C4orf50: variants seen among roughly 807,000 people sequenced by gnomAD.
C4orf50 encodes the protein chromosome 4 open reading frame 50, also known as uncharacterized protein C4orf50.
Under a neutral mutation model 77.2 loss-of-function variants are expected in C4orf50, and 80 were observed. The ratio of observed to expected loss-of-function variants is 1.04; its 90% confidence interval spans 0.87 to 1.25. The LOEUF (loss-of-function observed/expected upper bound fraction) is 1.25. C4orf50 is among the 50% of genes most tolerant of loss of function. The pLI is 0.00. For missense variants in C4orf50, 1,257 were observed against 1,152.9 expected (o/e 1.09, Z -1.31); for synonymous variants, 532 against 465.3 (o/e 1.14, Z -1.84).
Position 6,008,273 on chromosome 4 carries a change from C to T in C4orf50, c.686G>A (p.Gly229Asp), listed in dbSNP as rs142273130. 5,745 of 392,072 alleles carry T rather than the reference C, an allele frequency of 0.015. 65 individuals carry two copies. Among genetic ancestry groups the T allele is most frequent in the Middle Eastern group, 0.03 (47 of 1,552 alleles). The allele number at this position is 392,072 out of a possible 1,614,324, so 24.3% of individuals were successfully genotyped here. ...AGCCGCCTCGGTGGCGCCCTGGGAGCCTGGGGCCGCGGTGTCCCACTGGGC... is the reference window on the plus strand; with the variant it reads ...AGCCGCCTCGGTGGCGCCCTGGGAGTCTGGGGCCGCGGTGTCCCACTGGGC... The change falls in exon 25 of 34, where the codon GGC (glycine) becomes GAC (aspartate). Residue 229 changes from glycine (G) to aspartate (D), a missense_variant. Gly to Asp is a moderately conservative substitution (Grantham distance 94). Coordinates refer to ENST00000531445, the Ensembl canonical transcript of C4orf50. This position sits in a 1 kb window ranked among gnomAD's most constrained non-coding sequence, Gnocchi z 6.0.
In C4orf50 at chr4:5,899,591, G is replaced by A. The variant is rs1482816904; in HGVS notation, c.*2475-1403C>T. The A allele has an allele frequency of 2.0e-5, 3 of 152,206 alleles. No individual in the cohort carries two copies. In the East Asian group the frequency reaches 5.8e-4, roughly 29 times the overall value. The allele number at this position is 152,206 out of a possible 1,614,324, so 9.4% of individuals were successfully genotyped here. A position where few individuals can be genotyped will look rare whatever the true frequency, so the allele number is the denominator to read the frequency against. On this transcript the variant is annotated intron_variant, in intron 7 of 7. Transcript: ENST00000324058. ...AGAAGTTTCCTCCTGTAGACTCTGA[G>A]GACACATTTCTTTCCTAGCTAGGAG...
At chr4:5,954,866 G>A (rs1718883167), downstream of C4orf50, among the ~76,000 whole-genome samples, 1 of 152,140 alleles carries the variant, frequency 6.6e-6, no homozygotes, top group Non-Finnish European at 1.5e-5. The surrounding 1 kb of genome is among the most constrained non-coding windows in gnomAD (Gnocchi z 4.7). Flanking sequence ...CTGGTTGGGA[G>A]AGACCTGAGA....
In C4orf50 at chr4:5,908,912, C is replaced by T. The variant is rs999943723; in HGVS notation, c.*2475-10724G>A. Among the ~76,000 whole-genome samples, 1 of 152,156 alleles carries T rather than the reference C, an allele frequency of 6.6e-6. No homozygotes were observed. The highest frequency in any genetic ancestry group is 1.5e-5 in the Non-Finnish European group (1 of 68,018). ...CCTGGAAAGTACAGAATGGGGGTTA[C>T]CTGCTCTGTCATTCACTCCCCTGAA... is the stretch of plus-strand genomic sequence containing the variant. On this transcript the variant is annotated intron_variant, in intron 7 of 7. Coordinates refer to the C4orf50 transcript ENST00000324058. This position sits in a 1 kb window ranked among gnomAD's most constrained non-coding sequence, Gnocchi z 5.6.
intron 23 of C4orf50, among the ~76,000 whole-genome samples, chr4:6,013,792 C>T (rs952770391): frequency 6.6e-6 from 1 of 152,160 alleles, no homozygotes; most frequent in Non-Finnish European, 1.5e-5. Flanking sequence ...GATTTCCCCT[C>T]CAGCCTCGGA....
chr4:5,949,628 G>C (rs148545148), intron 7 of C4orf50, among the ~76,000 whole-genome samples: 1 of 152,306 alleles, frequency 6.6e-6, no homozygotes, highest in African/African-American at 2.4e-5. Flanking sequence ...TGGTGGTGAT[G>C]GTTGAATAAC....
At position 5,919,002 on chromosome 4, in the gene C4orf50, G is replaced by A. The variant is rs558657650; in HGVS notation, c.*2475-20814C>T. Among the ~76,000 whole-genome samples the A allele has an allele frequency of 2.6e-5, 4 of 152,270 alleles. No homozygotes were observed. The highest frequency in any genetic ancestry group is 4.1e-4 in the South Asian group (2 of 4,820). On this transcript the variant is annotated intron_variant, in intron 7 of 7. Transcript: ENST00000324058. This position sits in a 1 kb window ranked among gnomAD's most constrained non-coding sequence, Gnocchi z 6.5. ...ATTCCTCTGCACAGATGGGGAAACT[G>A]AGACCCGGAGGAGTCAAAGGGCTTG...
intron 28 of C4orf50, among the ~76,000 whole-genome samples, chr4:5,982,880 G>A (rs1720668445): frequency 6.6e-6 from 1 of 152,124 alleles, no homozygotes; most frequent in Non-Finnish European, 1.5e-5. Context: ...AGAAGGTGAA[G>A]AATGAGGGCA....
intron 7 of C4orf50, among the ~76,000 whole-genome samples, chr4:5,907,441 G>A (rs149827581): frequency 1.3e-5 from 2 of 152,312 alleles, no homozygotes; most frequent in East Asian, 3.9e-4. Context: ...TTTGGTGGTG[G>A]TGGGGAGGGT....
At position 5,958,496 on chromosome 4, in the gene C4orf50, A is replaced by T. The variant is rs1057241405; in HGVS notation, c.*879T>A. On this transcript the variant is annotated 3_prime_UTR_variant, in exon 34 of 34. Coordinates refer to ENST00000531445, the Ensembl canonical transcript of C4orf50. The surrounding 1 kb of genome is among the most constrained non-coding windows in gnomAD (Gnocchi z 5.4). Reference sequence around the variant, plus strand: ...CTGCCCAGCCATTCCTTTGTGGCTGACTTCCAGTTGTCCCAAGCCAAGTAG... The same window carrying T: ...CTGCCCAGCCATTCCTTTGTGGCTGTCTTCCAGTTGTCCCAAGCCAAGTAG... 8 of 152,144 alleles carry T rather than the reference A, an allele frequency of 5.3e-5. No individual in the cohort carries two copies. Among genetic ancestry groups the T allele is most frequent in the Admixed American group, 5.2e-4 (8 of 15,286 alleles). 9.4% of individuals were successfully genotyped at this position (152,144 alleles called of 1,614,324 possible). A position where few individuals can be genotyped will look rare whatever the true frequency, so the allele number is the denominator to read the frequency against.
intron 28 of C4orf50, among the ~76,000 whole-genome samples, chr4:5,985,223 C>CA (rs1197478753): frequency 2.0e-5 from 3 of 151,850 alleles, no homozygotes; most frequent in South Asian, 2.1e-4. Context: ...ATTATCACTA[C>CA]AAAAAATCCC....
rs762078452 is a variant in C4orf50, at chr4:5,967,512, A to G, written c.4105-50T>C. On this transcript the variant is annotated intron_variant, in intron 31 of 33. Coordinates refer to ENST00000531445, the Ensembl canonical transcript of C4orf50. ...TTATTCTGCATGGCACTGGAGAGAC[A>G]GCCTTGCACAGAAGACTGCAATTGG... The G allele has an allele frequency of 2.6e-6, 4 of 1,538,378 alleles. No homozygotes were observed. In the South Asian group the frequency reaches 4.5e-5, roughly 17 times the overall value.
Position 6,007,385 on chromosome 4 carries a change from C to A in C4orf50, c.963+611G>T, listed in dbSNP as rs1354136117. Among the ~76,000 whole-genome samples the A allele has an allele frequency of 6.6e-6, 1 of 152,000 alleles. No individual in the cohort carries two copies. The highest frequency in any genetic ancestry group is 1.9e-4 in the East Asian group (1 of 5,178). ...GTATTAGTACCCTTACTAATTAGTACCCCAGAAGGCTCCCTCTCCCTCCTG... is the reference window on the plus strand; with the variant it reads ...GTATTAGTACCCTTACTAATTAGTAACCCAGAAGGCTCCCTCTCCCTCCTG... On this transcript the variant is annotated intron_variant, in intron 25 of 33. Transcript: ENST00000531445. The surrounding 1 kb of genome is among the most constrained non-coding windows in gnomAD (Gnocchi z 4.1).
chr4:5,969,283 G>A (rs1249633609), intron 31 of C4orf50, among the ~76,000 whole-genome samples: 1 of 151,920 alleles, frequency 6.6e-6, no homozygotes, highest in Non-Finnish European at 1.5e-5. Flanking sequence ...CTGGATCCTT[G>A]GAGGCCCAGG....
intron 7 of C4orf50, among the ~76,000 whole-genome samples, chr4:5,934,126 C>T (rs536039277): frequency 6.6e-6 from 1 of 152,250 alleles, no homozygotes; most frequent in East Asian, 1.9e-4. Flanking sequence ...CGCCTCCCTG[C>T]ACCTCGGTCT....
intron 28 of C4orf50, among the ~76,000 whole-genome samples, chr4:5,983,073 T>C (rs2108783731): frequency 6.6e-6 from 1 of 152,298 alleles, no homozygotes; most frequent in South Asian, 2.1e-4. Flanking sequence ...ACTTCTGCTC[T>C]ATCACCAAGT....
At chr4:6,013,819 C>T (rs976770247) in intron 23 of C4orf50, among the ~76,000 whole-genome samples, 5 of 152,104 alleles carry the variant, frequency 3.3e-5, no homozygotes, top group Non-Finnish European at 5.9e-5. Context: ...TTGGCTCCAC[C>T]GACAGCTCGA....
At chr4:5,944,102 C>T (rs536026063) in intron 7 of C4orf50, among the ~76,000 whole-genome samples, 25 of 152,302 alleles carry the variant, frequency 1.6e-4, no homozygotes. Flanking sequence ...CACACAAAGC[C>T]CTGGCGAGGA....
At chr4:5,951,632 G>A (rs982554312) in intron 7 of C4orf50, among the ~76,000 whole-genome samples, 11 of 152,288 alleles carry the variant, frequency 7.2e-5, no homozygotes, top group African/African-American at 2.6e-4. Context: ...CATAATAAAT[G>A]GTCTAAGACA....
chr4:5,966,159 A>G (rs6841166), intron 32 of C4orf50, among the ~76,000 whole-genome samples: 102,984 of 152,202 alleles, frequency 0.68, 35,698 homozygotes, highest in African/African-American at 0.75. Flanking sequence ...GTCTGGTCAG[A>G]TAGGGGCTTC....
Sources: allele counts gnomAD v4.1 joint callset (sites outside exome capture counted in the v4.1 genomes callset), GRCh38; gene constraint gnomAD v4.1.1; non-coding constraint Gnocchi (gnomAD v3.1); transcripts MANE v1.5; gene names NCBI Gene and HGNC (gene_info 2026-07-23, HGNC 2026-07-21).